Variants in RGPD1 observed in about 807,000 individuals in gnomAD.
RGPD1 encodes RANBP2-like and GRIP domain-containing protein 1.
RGPD1 carries 7 observed loss-of-function variants against 40.6 expected under a neutral mutation model. That is an observed-to-expected ratio of 0.17 (90% confidence interval 0.10 to 0.32). The LOEUF is 0.32. RGPD1 is among the 10% of genes least tolerant of loss of function. The pLI is 1.00. For synonymous variants in RGPD1, 24 were observed against 167.0 expected, an observed-to-expected ratio of 0.14 and a Z score of 6.60; for missense variants, 50 against 472.5, an observed-to-expected ratio of 0.11 and a Z score of 8.29.
intron 1 of RGPD1, among the ~76,000 whole-genome samples, chr2:86,936,719 T>G (rs1327638286): frequency 2.3e-5 from 2 of 87,590 alleles, no homozygotes; most frequent in Non-Finnish European, 4.1e-5. Context: ...ACTCCTGACC[T>G]GAAGCGATCT....
chr2:86,924,489 CG>C (rs1678312088), intron 1 of RGPD1, among the ~76,000 whole-genome samples: 1 of 149,830 alleles, frequency 6.7e-6, no homozygotes, highest in South Asian at 2.1e-4. Flanking sequence ...TTTTAAGAGA[CG>C]GGGTGTCACT....
chr2:86,956,262 G>A (rs2104799695), intron 4 of RGPD1, among the ~76,000 whole-genome samples: 1 of 104,166 alleles, frequency 9.6e-6, no homozygotes, highest in East Asian at 2.7e-4. Context: ...TTTGCAATAG[G>A]GAGAGACCAG....
At chr2:86,935,959 TTAA>T (rs754323518) in intron 1 of RGPD1, among the ~76,000 whole-genome samples, 3 of 144,178 alleles carry the variant, frequency 2.1e-5, no homozygotes, top group Non-Finnish European at 4.6e-5. Flanking sequence ...GGGCAGATAA[TTAA>T]TAATTATCAG....
chr2:86,913,984 G>T (rs369152998), intron 1 of RGPD1: 5 of 992,986 alleles, frequency 5.0e-6, no homozygotes, highest in East Asian at 1.7e-4. Context: ...CGACCTGGCC[G>T]GGCGGCGGCG....
chr2:86,942,910 G>C (rs1050843557), intron 1 of RGPD1, among the ~76,000 whole-genome samples: 1 of 151,646 alleles, frequency 6.6e-6, no homozygotes, highest in South Asian at 2.1e-4. Flanking sequence ...TGTTCCCGAC[G>C]GTGCTCGCTC....
chr2:86,914,131 G>GGGCGGCGGCGGCGGCGGC lies in RGPD1; in HGVS notation c.72+223_72+240dup, dbSNP rs1168224704. The stretch of plus-strand genomic sequence containing the variant: ...CGGCGGCCTCGGCCCCGGCCTGGCC[G>GGGCGGCGGCGGCGGCGGC]GGCGGCGGCGGCGGCGGCGGCGGCG... On this transcript the variant is annotated intron_variant, in intron 1 of 22. Coordinates refer to the RGPD1 transcript ENST00000398193. Among the ~76,000 whole-genome samples the GGGCGGCGGCGGCGGCGGC allele has an allele frequency of 1.8e-4, 5 of 27,412 alleles. 1 individual carries two copies. Among genetic ancestry groups the GGGCGGCGGCGGCGGCGGC allele is most frequent in the East Asian group, 2.3e-3 (2 of 862 alleles). The allele number at this position is 27,412 out of a possible 152,430, so 18.0% of individuals were successfully genotyped here. A position where few individuals can be genotyped will look rare whatever the true frequency, so the allele number is the denominator to read the frequency against.
intron 17 of RGPD1, 139 bp downstream of exon 17, chr2:86,978,070 T>TC (rs1325793968): frequency 9.8e-7 from 1 of 1,017,832 alleles, no homozygotes; most frequent in East Asian, 2.5e-5. Context: ...TTGGTCTTTT[T>TC]TTTTTTTTTT....
intron 1 of RGPD1, among the ~76,000 whole-genome samples, chr2:86,919,439 T>C (rs1320052243): frequency 7.0e-6 from 1 of 142,498 alleles, no homozygotes; most frequent in Non-Finnish European, 1.5e-5. Context: ...TGACTTCCCA[T>C]GTCACTCAGA....
In RGPD1 at chr2:86,914,170, C is replaced by T. The variant is rs1489784010; in HGVS notation, c.72+249C>T. ...GCGGCGGCGGCGGCGGCCTCGGCCT[C>T]GGCCTGGCCGGACGGCGGCGGCGGC... On this transcript the variant is annotated intron_variant, in intron 1 of 22. Transcript: ENST00000398193. Among the ~76,000 whole-genome samples, 24 of 51,638 alleles carry T rather than the reference C, an allele frequency of 4.6e-4. 1 individual carries two copies. Among genetic ancestry groups the T allele is most frequent in the African/African-American group, 1.5e-3 (21 of 14,368 alleles). The allele number at this position is 51,638 out of a possible 152,430, so 33.9% of individuals were successfully genotyped here.
chr2:86,993,177 C>A (rs1681693601), intron 20 of RGPD1, among the ~76,000 whole-genome samples: 1 of 152,186 alleles, frequency 6.6e-6, no homozygotes, highest in Non-Finnish European at 1.5e-5. Context: ...TTCCTCTCAG[C>A]AATCTTTGAA....
chr2:86,918,490 T>C lies in RGPD1; in HGVS notation c.72+4569T>C, dbSNP rs567749570. Among the ~76,000 whole-genome samples the C allele has an allele frequency of 2.0e-4, 27 of 135,018 alleles. 1 individual carries two copies. Among genetic ancestry groups the C allele is most frequent in the South Asian group, 7.3e-4 (3 of 4,110 alleles). The allele number at this position is 135,018 out of a possible 152,430, so 88.6% of individuals were successfully genotyped here. ...TTTTTTTTTTTTTGAGACAGAATGT[T>C]GCTCTGTCACCTAGGCTGGAGTGCA... On this transcript the variant is annotated intron_variant, in intron 1 of 22. Coordinates refer to the RGPD1 transcript ENST00000398193.
At chr2:86,925,002 G>C in intron 1 of RGPD1, among the ~76,000 whole-genome samples, 1 of 151,970 alleles carries the variant, frequency 6.6e-6, no homozygotes, top group Non-Finnish European at 1.5e-5. Flanking sequence ...ATAACCTGTA[G>C]TCCTAGCTAC....
intron 1 of RGPD1, among the ~76,000 whole-genome samples, chr2:86,943,928 C>T (rs1350469545): frequency 1.3e-5 from 2 of 151,754 alleles, no homozygotes; most frequent in Non-Finnish European, 2.9e-5. Flanking sequence ...GCAGGAGAGT[C>T]GCTTGAACCC....
intron 4 of RGPD1, among the ~76,000 whole-genome samples, chr2:86,955,971 A>G (rs1300377466): frequency 6.7e-6 from 1 of 149,868 alleles, no homozygotes; most frequent in Non-Finnish European, 1.5e-5. Context: ...CTCTTTAAAG[A>G]TTTTCTTTAA....
At chr2:86,957,443 G>A (rs1475342441) in intron 4 of RGPD1, among the ~76,000 whole-genome samples, 1 of 152,306 alleles carries the variant, frequency 6.6e-6, no homozygotes, top group Non-Finnish European at 1.5e-5. Flanking sequence ...GGACAGGGAT[G>A]TGTGGCAATA....
chr2:86,960,391 A>AT (rs1248496146), intron 6 of RGPD1, among the ~76,000 whole-genome samples: 6 of 64,410 alleles, frequency 9.3e-5, no homozygotes, highest in Admixed American at 5.3e-4. Flanking sequence ...CGCTCGGCTA[A>AT]TTTTTTTGTA....
chr2:86,962,582 G>A (rs866620861), intron 6 of RGPD1, among the ~76,000 whole-genome samples: 69 of 126,884 alleles, frequency 5.4e-4, no homozygotes, highest in Non-Finnish European at 6.7e-4. Flanking sequence ...AAGAGCAATT[G>A]CTGTATTGAT....
chr2:86,954,610 C>G (rs1338711732), intron 4 of RGPD1, among the ~76,000 whole-genome samples: 31 of 33,146 alleles, frequency 9.4e-4, no homozygotes, highest in African/African-American at 2.8e-3. Flanking sequence ...GATGCTCTGC[C>G]TGCTAAGTAT....
intron 1 of RGPD1, among the ~76,000 whole-genome samples, chr2:86,918,735 A>G (rs1677919527): frequency 7.0e-6 from 1 of 142,716 alleles, no homozygotes; most frequent in Non-Finnish European, 1.5e-5. Flanking sequence ...CTGGGATTAC[A>G]GGTGTGAGCC....
Sources: gnomAD v4.1 joint callset for allele counts (sites outside exome capture counted in the v4.1 genomes callset) on GRCh38, gnomAD v4.1.1 for gene constraint, MANE v1.5 for transcripts, NCBI Gene and HGNC (gene_info 2026-07-23, HGNC 2026-07-21) for gene names.